The following DAB1 variants were observed in gnomAD, a reference collection of about 807,000 sequenced individuals.
DAB1 encodes the protein DAB adaptor protein 1.
In DAB1, 15 loss-of-function variants were observed where a neutral mutation model predicts 64.6. That is an observed-to-expected ratio of 0.23 (90% CI 0.16 to 0.36). The LOEUF is 0.36. Ranked by LOEUF, DAB1 falls within the 10% of genes least tolerant of loss-of-function variation. The pLI, the probability that DAB1 is intolerant of heterozygous loss-of-function variation, is 1.00. For synonymous variants in DAB1, 235 were observed against 251.9 expected, an observed-to-expected ratio of 0.93 and a Z score of 0.64; for missense variants, 596 against 706.7, an observed-to-expected ratio of 0.84 and a Z score of 1.78.
intron 4 of DAB1, among the ~76,000 whole-genome samples, chr1:58,171,239 G>A (rs1656159245): frequency 6.6e-6 from 1 of 152,166 alleles, no homozygotes; most frequent in African/African-American, 2.4e-5. Context: ...AGGACAATTT[G>A]GAAGGGTAAA....
rs61765267 is a variant in DAB1 at position 57,068,902 on chromosome 1, G to A, written c.663+458C>T. Among the ~76,000 whole-genome samples the A allele has an allele frequency of 4.2e-3, 639 of 152,156 alleles. 4 individuals are homozygous for A. Among genetic ancestry groups the A allele is most frequent in the Admixed American group, 0.017 (254 of 15,280 alleles). On this transcript the variant is annotated intron_variant, in intron 8 of 14. Transcript: ENST00000371236. The stretch of plus-strand genomic sequence containing the variant: ...GTTTTCTTTGCACAATTAAAATAAG[G>A]GTAAAGCCTTTAGCTGTACTTTCAT...
chr1:57,563,052 G>A (rs1645071668), intron 7 of DAB1, among the ~76,000 whole-genome samples: 1 of 152,090 alleles, frequency 6.6e-6, no homozygotes, highest in African/African-American at 2.4e-5. Context: ...ATCTGGGCAG[G>A]ACTACAAATG....
At chr1:57,468,362 C>A (rs10493223) in intron 7 of DAB1, among the ~76,000 whole-genome samples, 1 of 152,012 alleles carries the variant, frequency 6.6e-6, no homozygotes, top group Non-Finnish European at 1.5e-5. Flanking sequence ...GAACAATTGA[C>A]GGAGTAAGGT....
intron 5 of DAB1, among the ~76,000 whole-genome samples, chr1:58,027,999 T>G (rs6587793): frequency 0.41 from 62,162 of 152,036 alleles, 12,991 homozygotes; most frequent in Non-Finnish European, 0.45. Flanking sequence ...CAGGCCATTT[T>G]CTGGTCTAAT....
intron 1 of DAB1, among the ~76,000 whole-genome samples, chr1:58,531,440 T>A (rs1169815903): frequency 6.6e-6 from 1 of 152,240 alleles, no homozygotes; most frequent in Non-Finnish European, 1.5e-5. Flanking sequence ...ATAAAATAGT[T>A]GTTTTGAGTA....
intron 1 of DAB1, among the ~76,000 whole-genome samples, chr1:57,311,670 C>T (rs1441651124): frequency 1.3e-5 from 2 of 152,122 alleles, no homozygotes; most frequent in Non-Finnish European, 2.9e-5. Flanking sequence ...GAAAAGTTAA[C>T]TTTTCTGGAT....
chr1:58,115,656 C>A (rs1652276193), intron 5 of DAB1, among the ~76,000 whole-genome samples: 1 of 54,164 alleles, frequency 1.8e-5, no homozygotes, highest in Non-Finnish European at 3.4e-5. Context: ...TACTATGCAG[C>A]CATAAAAAAT....
intron 5 of DAB1, among the ~76,000 whole-genome samples, chr1:57,950,936 C>A (rs1014616786): frequency 2.0e-5 from 3 of 152,124 alleles, no homozygotes; most frequent in African/African-American, 7.2e-5. Flanking sequence ...AGTTTGGAAA[C>A]AGGCACCTTG....
chr1:57,581,299 C>CA (rs1645309162), intron 7 of DAB1, among the ~76,000 whole-genome samples: 1 of 152,020 alleles, frequency 6.6e-6, no homozygotes, highest in Non-Finnish European at 1.5e-5. Flanking sequence ...TCTAGGGGAA[C>CA]AAAAAATAAA....
intron 1 of DAB1, among the ~76,000 whole-genome samples, chr1:57,419,440 T>C (rs1684735104): frequency 6.6e-6 from 1 of 151,944 alleles, no homozygotes; most frequent in East Asian, 1.9e-4. Context: ...TGATGTGTAC[T>C]TCCACAACTC....
At chr1:57,981,631 A>AT (rs1646067942) in intron 5 of DAB1, among the ~76,000 whole-genome samples, 1 of 152,128 alleles carries the variant, frequency 6.6e-6, no homozygotes. Flanking sequence ...GGCTTTATAT[A>AT]TTTTTTGCCT....
intron 1 of DAB1, among the ~76,000 whole-genome samples, chr1:58,545,509 G>GA (rs36121307): frequency 1.9e-4 from 28 of 150,664 alleles, no homozygotes; most frequent in South Asian, 2.1e-4. Flanking sequence ...GAGCACATAA[G>GA]AAAAAAAAAA....
At chr1:57,750,813 C>A (rs1039255156) in intron 6 of DAB1, among the ~76,000 whole-genome samples, 2 of 152,148 alleles carry the variant, frequency 1.3e-5, no homozygotes, top group Non-Finnish European at 2.9e-5. Flanking sequence ...ATCCCTTTAT[C>A]TTTGTATCTG....
At chr1:58,074,357 C>G (rs1259612773) in intron 5 of DAB1, 4 of 150,826 alleles carry the variant, frequency 2.7e-5, no homozygotes, top group African/African-American at 9.8e-5. Flanking sequence ...TAGGCTTCAA[C>G]TGCTATTCTG....
chr1:57,198,545 C>G (rs1569859509), intron 2 of DAB1, among the ~76,000 whole-genome samples: 1 of 151,988 alleles, frequency 6.6e-6, no homozygotes, highest in South Asian at 2.1e-4. Flanking sequence ...CAAACCTTTT[C>G]CCTTTGCATT....
chr1:57,394,263 C>T (rs565279148), intron 1 of DAB1, among the ~76,000 whole-genome samples: 96 of 152,330 alleles, frequency 6.3e-4, no homozygotes, highest in African/African-American at 2.2e-3. Context: ...ACCCAACGGG[C>T]GTTGTGTTGC....
intron 4 of DAB1, among the ~76,000 whole-genome samples, chr1:58,327,431 C>T (rs1011710925): frequency 2.6e-5 from 4 of 152,120 alleles, no homozygotes; most frequent in Non-Finnish European, 5.9e-5. Context: ...CTACTCTTTC[C>T]CAGCAGTGTC....
chr1:58,378,710 AGTTC>A (rs1269861216), intron 3 of DAB1, among the ~76,000 whole-genome samples: 77 of 69,880 alleles, frequency 1.1e-3, no homozygotes, highest in African/African-American at 5.6e-3. Flanking sequence ...GGCTCCACCC[AGTTC>A]GAGCTTCCCG....
intron 3 of DAB1, among the ~76,000 whole-genome samples, chr1:58,449,210 G>A (rs992550815): frequency 6.6e-6 from 1 of 152,156 alleles, no homozygotes; most frequent in African/African-American, 2.4e-5. Context: ...GGTTGGAATC[G>A]AGGAGAAAAG....
Sources: gnomAD v4.1 joint callset for allele counts (sites outside exome capture counted in the v4.1 genomes callset) on GRCh38, gnomAD v4.1.1 for gene constraint, MANE v1.5 for transcripts, NCBI Gene and HGNC (gene_info 2026-07-23, HGNC 2026-07-21) for gene names.